Variants in NBEAL1 observed in about 807,000 individuals in gnomAD.
NBEAL1 encodes neurobeachin like 1.
In NBEAL1, 273 loss-of-function variants were observed where a neutral mutation model predicts 351.3. The ratio of observed to expected loss-of-function variants is 0.78; its 90% CI spans 0.70 to 0.86. NBEAL1 has a LOEUF of 0.86. Ranked by LOEUF, NBEAL1 falls within the 40% of genes least tolerant of loss-of-function variation. NBEAL1 has a pLI of 0.00. For synonymous variants in NBEAL1, 1,050 were observed against 1,086.4 expected (o/e 0.97, Z 0.66); for missense variants, 2,961 against 3,201.3 (o/e 0.92, Z 1.81).
intron 2 of NBEAL1, among the ~76,000 whole-genome samples, chr2:203,024,954 A>C (rs564308426): frequency 6.6e-6 from 1 of 152,334 alleles, no homozygotes; most frequent in South Asian, 2.1e-4. Context: ...TAAAAATGCA[A>C]GTCCTTATAT....
At chr2:203,030,622 C>A (rs986701320) in intron 2 of NBEAL1, among the ~76,000 whole-genome samples, 1 of 152,206 alleles carries the variant, frequency 6.6e-6, no homozygotes, top group Non-Finnish European at 1.5e-5. Flanking sequence ...ACTTAACTCT[C>A]CTCCCTCCAC....
intron 3 of NBEAL1, among the ~76,000 whole-genome samples, chr2:203,048,218 CG>C (rs1250579669): frequency 1.3e-5 from 2 of 151,492 alleles, no homozygotes; most frequent in East Asian, 3.9e-4. Context: ...CCCGTCTCTA[CG>C]AAAAATACAA....
chr2:203,166,366 GAGA>G (rs1447749921), intron 37 of NBEAL1, 69 bp downstream of exon 37: 2 of 1,406,814 alleles, frequency 1.4e-6, no homozygotes, highest in Admixed American at 2.4e-5. Flanking sequence ...AATCATGAAT[GAGA>G]AGAAGAAAGC....
intron 10 of NBEAL1, among the ~76,000 whole-genome samples, chr2:203,091,579 T>G (rs1366337824): frequency 6.6e-6 from 1 of 152,226 alleles, no homozygotes; most frequent in Non-Finnish European, 1.5e-5. Flanking sequence ...CATTTTACAT[T>G]CATACCAACA....
chr2:203,216,949 G>A (rs979941690), intron 55 of NBEAL1, among the ~76,000 whole-genome samples: 4 of 151,992 alleles, frequency 2.6e-5, no homozygotes, highest in Non-Finnish European at 5.9e-5. Context: ...GATTACAGGC[G>A]TGCGCCACCA....
At chr2:203,106,379 CT>C (rs1206226412) in intron 12 of NBEAL1, among the ~76,000 whole-genome samples, 1 of 152,126 alleles carries the variant, frequency 6.6e-6, no homozygotes, top group Non-Finnish European at 1.5e-5. Context: ...TAACTTTTGC[CT>C]TAGAAATGTT....
At chr2:203,184,095 A>G (rs1047341569) in intron 44 of NBEAL1, among the ~76,000 whole-genome samples, 1 of 150,532 alleles carries the variant, frequency 6.6e-6, no homozygotes, top group African/African-American at 2.4e-5. Flanking sequence ...AAAAAAAAAA[A>G]AAAAGAAACA....
At chr2:203,178,818 TTTC>T (rs2064606564) in intron 42 of NBEAL1, among the ~76,000 whole-genome samples, 1 of 152,180 alleles carries the variant, frequency 6.6e-6, no homozygotes, top group African/African-American at 2.4e-5. Flanking sequence ...AGGTACAACA[TTTC>T]TTCCTGGAGT....
At chr2:203,082,812 C>G (rs2061896064) in intron 8 of NBEAL1, among the ~76,000 whole-genome samples, 2 of 152,172 alleles carry the variant, frequency 1.3e-5, no homozygotes, top group Admixed American at 1.3e-4. Flanking sequence ...CTTTCTGTAG[C>G]CTGCTACTTT....
At chr2:203,151,675 G>T in intron 35 of NBEAL1, 86 bp downstream of exon 35, 1 of 1,284,056 alleles carries the variant, frequency 7.8e-7, no homozygotes. Flanking sequence ...TGTTTTAAAT[G>T]TGTTTACTTA....
chr2:203,145,815 A>G (rs1381423075), intron 33 of NBEAL1, among the ~76,000 whole-genome samples: 6 of 150,868 alleles, frequency 4.0e-5, no homozygotes, highest in Non-Finnish European at 7.4e-5. Flanking sequence ...AAAAAAAAAA[A>G]AGAAAGAAAA....
intron 36 of NBEAL1, among the ~76,000 whole-genome samples, chr2:203,158,293 A>G (rs904910157): frequency 6.6e-6 from 1 of 152,210 alleles, no homozygotes; most frequent in Non-Finnish European, 1.5e-5. Flanking sequence ...GAAAGACAAC[A>G]TAATTTGCCT....
At chr2:203,196,526 C>T (rs2065245623) in intron 47 of NBEAL1, among the ~76,000 whole-genome samples, 1 of 151,992 alleles carries the variant, frequency 6.6e-6, no homozygotes, top group African/African-American at 2.4e-5. Flanking sequence ...TTTCATTTTG[C>T]CTTGTTCAAA....
rs776907459 is a variant in NBEAL1, at chr2:203,057,429, G to A, written c.491G>A (p.Arg164Gln). The change falls in exon 6 of 56, where the codon CGG becomes CAG. Residue 164 changes from arginine (R) to glutamine (Q), a missense_variant. By Grantham distance (43) the Arg-to-Gln change is conservative. Coordinates refer to ENST00000683969, the MANE Select transcript of NBEAL1 (RefSeq NM_001378026.1). ...TGTGAAAGCTTATATGATCCATATC[G>A]GAATTGGAGACATAGAATTTCAGGG... ...AFCESLYDPY[R>Q]NWRHRISGRI... The A allele has an allele frequency of 7.1e-6, 11 of 1,551,032 alleles. No homozygotes were observed. The highest frequency in any genetic ancestry group is 2.4e-5 in the East Asian group (1 of 41,458).
At chr2:203,144,210 CAAA>C (rs1203059538) in intron 31 of NBEAL1, among the ~76,000 whole-genome samples, 6 of 52,960 alleles carry the variant, frequency 1.1e-4, no homozygotes, top group Admixed American at 2.1e-4. Flanking sequence ...GACTCCATCT[CAAA>C]AAAAAAAAAA....
At chr2:203,070,996 T>G (rs2061673356) in intron 7 of NBEAL1, among the ~76,000 whole-genome samples, 1 of 152,234 alleles carries the variant, frequency 6.6e-6, no homozygotes, top group Admixed American at 6.5e-5. Context: ...ACTCCTGGCC[T>G]CTAGTGACCC....
intron 38 of NBEAL1, among the ~76,000 whole-genome samples, chr2:203,167,579 A>G (rs1296746881): frequency 6.6e-6 from 1 of 152,204 alleles, no homozygotes; most frequent in Non-Finnish European, 1.5e-5. Flanking sequence ...GGCTAGATAA[A>G]GTAGAATTTT....
intron 51 of NBEAL1, among the ~76,000 whole-genome samples, chr2:203,207,718 G>C (rs2065649811): frequency 6.6e-6 from 1 of 152,210 alleles, no homozygotes; most frequent in African/African-American, 2.4e-5. Context: ...AAGGCAGCAT[G>C]CTCGTTAAGA....
chr2:203,148,825 A>C (rs1439709104), intron 33 of NBEAL1, among the ~76,000 whole-genome samples, 166 bp from the exon 34 acceptor site: 1 of 151,924 alleles, frequency 6.6e-6, no homozygotes, highest in Non-Finnish European at 1.5e-5. Context: ...ATCACACTTC[A>C]TCAAAGAAAA....
Sources: allele counts gnomAD v4.1 joint callset (sites outside exome capture counted in the v4.1 genomes callset), GRCh38; gene constraint gnomAD v4.1.1; transcripts MANE v1.5; gene names NCBI Gene and HGNC (gene_info 2026-07-23, HGNC 2026-07-21).